LARGE1: variants seen among roughly 807,000 people sequenced by gnomAD.
LARGE1 encodes xylosyl- and glucuronyltransferase LARGE1.
Under a neutral mutation model 87.6 loss-of-function variants are expected in LARGE1, and 43 were observed. The ratio of observed to expected loss-of-function variants is 0.49; its 90% confidence interval spans 0.38 to 0.63. LARGE1 has a LOEUF of 0.63. Among genes scored for constraint, LARGE1 ranks in the 30% least tolerant of loss-of-function variants. The pLI is 0.00. For missense variants in LARGE1, 802 were observed against 1,000.2 expected (o/e 0.80, Z 2.67); for synonymous variants, 434 against 394.6 (o/e 1.10, Z -1.18).
At chr22:33,097,275 A>G in the LARGE1 span, among the ~76,000 whole-genome samples, 36,747 of 152,102 alleles carry the variant, frequency 0.24, 5,021 homozygotes, top group African/African-American at 0.37. Flanking sequence ...GAGGTCAGGA[A>G]GTCTGGAGGA....
intron 3 of LARGE1, among the ~76,000 whole-genome samples, chr22:33,630,194 G>T (rs1024560947): frequency 6.6e-6 from 1 of 151,382 alleles, no homozygotes; most frequent in Non-Finnish European, 1.5e-5. Context: ...AACAAAACTC[G>T]GTCTCAAAAA....
chr22:33,258,058 C>T (rs1883103), intron 11 of LARGE1, among the ~76,000 whole-genome samples: 149,371 of 152,230 alleles, frequency 0.98, 73,291 homozygotes, highest in East Asian at 1. Flanking sequence ...CTACAGAGTC[C>T]TGCTCTGTCC....
intron 2 of LARGE1, among the ~76,000 whole-genome samples, chr22:33,721,456 T>C (rs1421246931): frequency 6.6e-6 from 1 of 152,140 alleles, no homozygotes; most frequent in Non-Finnish European, 1.5e-5. Flanking sequence ...ATTCATACAA[T>C]ATCGAAATTC....
intron 1 of LARGE1, among the ~76,000 whole-genome samples, chr22:33,876,985 G>A (rs998292035): frequency 1.3e-5 from 2 of 151,912 alleles, no homozygotes; most frequent in Admixed American, 1.3e-4. Flanking sequence ...TTCACCCAGG[G>A]CTGTATTTAT....
intron 1 of LARGE1, among the ~76,000 whole-genome samples, chr22:33,766,951 T>TAC (rs1157772734): frequency 9.9e-5 from 4 of 40,594 alleles, no homozygotes; most frequent in Admixed American, 3.8e-4. Context: ...TATATATATA[T>TAC]ATATATATAT....
intron 1 of LARGE1, among the ~76,000 whole-genome samples, chr22:33,917,075 G>A (rs1268947109): frequency 6.6e-6 from 1 of 152,184 alleles, no homozygotes; most frequent in East Asian, 1.9e-4. Context: ...AGACCCCAGA[G>A]TTCAAGGGAA....
intron 1 of LARGE1, among the ~76,000 whole-genome samples, chr22:33,794,371 T>C (rs1270899892): frequency 6.6e-6 from 1 of 152,152 alleles, no homozygotes; most frequent in Non-Finnish European, 1.5e-5. Context: ...GGCTGGGGCA[T>C]GGAGTACCTC....
intron 4 of LARGE1, among the ~76,000 whole-genome samples, chr22:33,605,148 T>G (rs1011928940): frequency 5.3e-5 from 8 of 152,050 alleles, no homozygotes; most frequent in Admixed American, 2.0e-4. Flanking sequence ...ACTTCCAGGT[T>G]GTATACTAAG....
At chr22:33,690,042 C>T (rs1210434966) in intron 2 of LARGE1, among the ~76,000 whole-genome samples, 3 of 152,250 alleles carry the variant, frequency 2.0e-5, no homozygotes, top group East Asian at 3.9e-4. Context: ...ACTAGACATC[C>T]GTCCTCCATT....
chr22:33,113,769 C>A, the LARGE1 span, among the ~76,000 whole-genome samples: 1 of 152,166 alleles, frequency 6.6e-6, no homozygotes, highest in South Asian at 2.1e-4. Flanking sequence ...ACATTAGAAC[C>A]ACACTCTCGT....
In LARGE1 at chr22:33,384,912, G is replaced by A. The variant is rs527844193; in HGVS notation, c.893-608C>T. Among the ~76,000 whole-genome samples, 21 of 148,788 alleles carry A rather than the reference G, an allele frequency of 1.4e-4. 3 individuals are homozygous for A. The highest frequency in any genetic ancestry group is 4.6e-4 in the African/African-American group (19 of 41,070). ...TTGAGCTGATAGGTGGAATTTGTAC[G>A]ATGTATACCATTTATCCGTACACAC... is the stretch of plus-strand genomic sequence containing the variant. On this transcript the variant is annotated intron_variant, in intron 7 of 14. Coordinates refer to ENST00000397394, the MANE Select transcript of LARGE1 (RefSeq NM_133642.5).
At chr22:33,239,735 C>T (rs1602134855) in intron 11 of LARGE1, among the ~76,000 whole-genome samples, 1 of 151,848 alleles carries the variant, frequency 6.6e-6, no homozygotes, top group African/African-American at 2.4e-5. Context: ...GACAGGGTTT[C>T]ACTATGTTGG....
Position 33,754,282 on chromosome 22 carries a change from T to G in LARGE1, c.106+7089A>C, listed in dbSNP as rs540733012. On this transcript the variant is annotated intron_variant, in intron 2 of 14. Coordinates refer to ENST00000397394, the MANE Select transcript of LARGE1 (RefSeq NM_133642.5). ...ACTTGCATGCTCACATTTTCATTTG[T>G]TGCAAGATTTTGCTCAAGCTCAGCA... 3.9e-5 allele frequency among the ~76,000 whole-genome samples: 6 copies of G among 152,322 alleles called. No individual in the cohort carries two copies. In the South Asian group the frequency reaches 1.2e-3, roughly 32 times the overall value.
chr22:33,546,065 G>A, intron 6 of LARGE1, among the ~76,000 whole-genome samples: 1 of 152,168 alleles, frequency 6.6e-6, no homozygotes, highest in East Asian at 1.9e-4. Flanking sequence ...CTACACTGAG[G>A]ACTGATTAGT....
chr22:33,132,918 G>T, the LARGE1 span, among the ~76,000 whole-genome samples: 1 of 152,102 alleles, frequency 6.6e-6, no homozygotes, highest in Non-Finnish European at 1.5e-5. Flanking sequence ...TGGTTATTGT[G>T]TCCTGGGACA....
chr22:33,067,775 T>C, the LARGE1 span, among the ~76,000 whole-genome samples: 1 of 151,182 alleles, frequency 6.6e-6, no homozygotes, highest in African/African-American at 2.4e-5. Context: ...AGGTCAGGAG[T>C]TCGAGACAAG....
the LARGE1 span, among the ~76,000 whole-genome samples, chr22:33,078,124 A>T: frequency 6.6e-6 from 1 of 152,104 alleles, no homozygotes; most frequent in African/African-American, 2.4e-5. Context: ...CCTAGTTTTG[A>T]CTGCTTTGCC....
chr22:33,105,680 G>A, the LARGE1 span: 2 of 152,200 alleles, frequency 1.3e-5, no homozygotes, highest in South Asian at 2.1e-4. Flanking sequence ...ATCACTGCAC[G>A]GCTGCTCCTT....
chr22:33,663,525 T>C (rs2081188406), intron 2 of LARGE1, among the ~76,000 whole-genome samples: 1 of 152,134 alleles, frequency 6.6e-6, no homozygotes, highest in Non-Finnish European at 1.5e-5. Flanking sequence ...GGGAAGCCTA[T>C]GATGGTGAAG....
Sources: allele counts gnomAD v4.1 joint callset (sites outside exome capture counted in the v4.1 genomes callset), GRCh38; gene constraint gnomAD v4.1.1; transcripts MANE v1.5; gene names NCBI Gene and HGNC (gene_info 2026-07-23, HGNC 2026-07-21).